CTNNBL1: variants seen among roughly 807,000 people sequenced by gnomAD.
CTNNBL1 encodes beta-catenin-like protein 1.
Under a neutral mutation model 72.7 loss-of-function variants are expected in CTNNBL1, and 31 were observed. The observed-to-expected ratio is 0.43, with a 90% CI of 0.32 to 0.58. The LOEUF is 0.58. Among genes scored for constraint, CTNNBL1 ranks in the 20% least tolerant of loss-of-function variants. The pLI, the probability that CTNNBL1 is intolerant of heterozygous loss-of-function variation, is 0.08. For missense variants in CTNNBL1, 534 were observed against 725.1 expected (o/e 0.74, Z 3.03); for synonymous variants, 240 against 267.3 (o/e 0.90, Z 1.00).
chr20:37,826,113 T>C (rs1439150149), intron 11 of CTNNBL1, among the ~76,000 whole-genome samples: 2 of 152,218 alleles, frequency 1.3e-5, no homozygotes, highest in Non-Finnish European at 2.9e-5. Flanking sequence ...TGAAAGGTGA[T>C]GTCAGATGCC....
rs147872196 is a variant in CTNNBL1 at position 37,727,310 on chromosome 20, A to G, written c.31-5569A>G. On this transcript the variant is annotated intron_variant, in intron 1 of 15. Transcript: ENST00000361383. ...TTGATTTCTGTTTTCAGGGGCATGGATGGAGACACGCACACACACAGGCAA... is the reference window on the plus strand; with the variant it reads ...TTGATTTCTGTTTTCAGGGGCATGGGTGGAGACACGCACACACACAGGCAA... 15 of 982,994 alleles carry G rather than the reference A, an allele frequency of 1.5e-5. No homozygotes were observed. In the African/African-American group the frequency reaches 2.3e-4, roughly 15 times the overall value. The allele number at this position is 982,994 out of a possible 1,614,324, so 60.9% of individuals were successfully genotyped here.
chr20:37,768,118 A>G (rs1169974903), intron 7 of CTNNBL1, 74 bp downstream of exon 7: 4 of 1,207,980 alleles, frequency 3.3e-6, no homozygotes, highest in African/African-American at 3.0e-5. Context: ...GGTTATTGGC[A>G]TAGACTGTTA....
chr20:37,842,306 T>G (rs578018058), intron 12 of CTNNBL1, 33 bp from the exon 13 acceptor site: 6 of 1,482,918 alleles, frequency 4.0e-6, no homozygotes, highest in East Asian at 4.5e-5. Flanking sequence ...TTGTCTTTCC[T>G]TCTCACTCAA....
intron 10 of CTNNBL1, among the ~76,000 whole-genome samples, chr20:37,789,339 T>A (rs1436143761): frequency 6.6e-6 from 1 of 152,142 alleles, no homozygotes; most frequent in Non-Finnish European, 1.5e-5. Context: ...AGTAAGGATG[T>A]TTGGATGGTC....
At chr20:37,845,147 G>A (rs745357866) in intron 13 of CTNNBL1, among the ~76,000 whole-genome samples, 4 of 152,134 alleles carry the variant, frequency 2.6e-5, no homozygotes, top group Non-Finnish European at 5.9e-5. Flanking sequence ...TCCTGAGAGC[G>A]TCCTCCTTGC....
At chr20:37,808,740 C>T (rs560390225) in intron 11 of CTNNBL1, among the ~76,000 whole-genome samples, 4 of 152,170 alleles carry the variant, frequency 2.6e-5, no homozygotes, top group African/African-American at 9.6e-5. Context: ...TGGTTGACTC[C>T]CAGATCTTCA....
chr20:37,849,330 G>T (rs1238010303), intron 13 of CTNNBL1, among the ~76,000 whole-genome samples: 1 of 152,178 alleles, frequency 6.6e-6, no homozygotes, highest in Non-Finnish European at 1.5e-5. Flanking sequence ...TCGCCCTCGG[G>T]ATGCAGTCTA....
At chr20:37,708,947 G>A (rs925982588) in intron 1 of CTNNBL1, among the ~76,000 whole-genome samples, 4 of 152,106 alleles carry the variant, frequency 2.6e-5, no homozygotes, top group African/African-American at 7.2e-5. Flanking sequence ...GACCATCCTG[G>A]CCAACATGGT....
At chr20:37,805,188 G>A (rs1018633191) in intron 11 of CTNNBL1, among the ~76,000 whole-genome samples, 6 of 152,224 alleles carry the variant, frequency 3.9e-5, no homozygotes, top group African/African-American at 1.4e-4. Context: ...TGGCCTCCGA[G>A]TGCCAGCCCT....
At chr20:37,770,717 A>G (rs2122674111) in intron 7 of CTNNBL1, among the ~76,000 whole-genome samples, 1 of 152,308 alleles carries the variant, frequency 6.6e-6, no homozygotes, top group Admixed American at 6.5e-5. Flanking sequence ...TCCTCGGGGC[A>G]CAAATAGCCA....
At position 37,780,945 on chromosome 20, in the gene CTNNBL1, C is replaced by G. The variant is rs149887772; in HGVS notation, c.1031+1610C>G. 7.5e-3 allele frequency among the ~76,000 whole-genome samples: 1,143 copies of G among 152,120 alleles called. 11 individuals carry two copies. Among genetic ancestry groups the G allele is most frequent in the African/African-American group, 0.026 (1,065 of 41,514 alleles). On this transcript the variant is annotated intron_variant, in intron 10 of 15. Coordinates refer to ENST00000361383, the MANE Select transcript of CTNNBL1 (RefSeq NM_030877.5). ...TGTGTATATTTCTAAAATATATTATCTTTAAAAGGCTTCTGGGGGGCTGGA... is the reference window on the plus strand; with the variant it reads ...TGTGTATATTTCTAAAATATATTATGTTTAAAAGGCTTCTGGGGGGCTGGA...
At chr20:37,707,692 A>C (rs191098447) in intron 1 of CTNNBL1, among the ~76,000 whole-genome samples, 9 of 152,324 alleles carry the variant, frequency 5.9e-5, no homozygotes, top group African/African-American at 2.2e-4. Context: ...CACTTTTAAT[A>C]TCCTTCAAGA....
intron 13 of CTNNBL1, among the ~76,000 whole-genome samples, chr20:37,854,764 T>C (rs999132348): frequency 2.0e-5 from 3 of 151,818 alleles, no homozygotes; most frequent in Non-Finnish European, 4.4e-5. Flanking sequence ...AATTTTTGAA[T>C]TTTTAGTAGA....
chr20:37,720,270 C>T (rs571180592), intron 1 of CTNNBL1, among the ~76,000 whole-genome samples: 10 of 152,156 alleles, frequency 6.6e-5, no homozygotes, highest in South Asian at 2.1e-4. Flanking sequence ...CCTCGTGATC[C>T]GCCCATCTCA....
chr20:37,787,635 C>T (rs576926488), intron 10 of CTNNBL1, among the ~76,000 whole-genome samples: 19 of 152,306 alleles, frequency 1.2e-4, no homozygotes, highest in East Asian at 9.6e-4. Flanking sequence ...TGAGCCACCG[C>T]GCCCGGCCCA....
rs192226766 is a variant in CTNNBL1 at position 37,717,339 on chromosome 20, G to A, written c.31-15540G>A. Among the ~76,000 whole-genome samples the A allele has an allele frequency of 6.6e-5, 10 of 152,320 alleles. No homozygotes were observed. The East Asian group carries it at 1.2e-3, about 18-fold the overall frequency. ...TCTGTTAACAGGTATGTCTTGTAAC[G>A]TGCAGAACCATTGTGTGAGTTCGCT... On this transcript the variant is annotated intron_variant, in intron 1 of 15. Transcript: ENST00000361383.
At chr20:37,734,611 C>T (rs1484962222) in intron 2 of CTNNBL1, among the ~76,000 whole-genome samples, 1 of 152,216 alleles carries the variant, frequency 6.6e-6, no homozygotes, top group African/African-American at 2.4e-5. Flanking sequence ...GTAAAAATGA[C>T]ACATGGAAGG....
intron 9 of CTNNBL1, 143 bp downstream of exon 9, chr20:37,777,855 G>T: frequency 1.3e-6 from 1 of 797,768 alleles, no homozygotes; most frequent in East Asian, 2.5e-5. Context: ...GTTATACGGA[G>T]GGACATGGTT....
At chr20:37,793,926 A>C (rs1421759137) in intron 10 of CTNNBL1, among the ~76,000 whole-genome samples, 2 of 152,060 alleles carry the variant, frequency 1.3e-5, no homozygotes, top group African/African-American at 4.8e-5. Flanking sequence ...GACTACAGGC[A>C]TGTGCCACCA....
Sources: gnomAD v4.1 joint callset for allele counts (sites outside exome capture counted in the v4.1 genomes callset) on GRCh38, gnomAD v4.1.1 for gene constraint, MANE v1.5 for transcripts, NCBI Gene and HGNC (gene_info 2026-07-23, HGNC 2026-07-21) for gene names.